SH3RF1: variants seen among roughly 807,000 people sequenced by gnomAD.
SH3RF1 encodes the protein E3 ubiquitin-protein ligase SH3RF1.
In SH3RF1, 32 loss-of-function variants were observed where a neutral mutation model predicts 74.0. That is an observed-to-expected ratio of 0.43 (90% CI 0.33 to 0.58). The LOEUF is 0.58. SH3RF1 is among the 20% of genes least tolerant of loss of function. The pLI is 0.05. For synonymous variants in SH3RF1, 396 were observed against 439.6 expected, an observed-to-expected ratio of 0.90 and a Z score of 1.24; for missense variants, 954 against 1,130.9, an observed-to-expected ratio of 0.84 and a Z score of 2.24.
At chr4:169,149,125 G>T (rs1314203833) in intron 4 of SH3RF1, among the ~76,000 whole-genome samples, 1 of 152,090 alleles carries the variant, frequency 6.6e-6, no homozygotes, top group Admixed American at 6.6e-5. Context: ...AACATTAACC[G>T]ATCTTTACAA....
intron 8 of SH3RF1, 112 bp downstream of exon 8, chr4:169,120,707 G>A (rs1274167917): frequency 2.7e-6 from 3 of 1,112,132 alleles, no homozygotes; most frequent in Admixed American, 5.6e-5. Flanking sequence ...TAAAACCTTG[G>A]CTATGTAACA....
At chr4:169,220,593 A>G (rs1030934364) in intron 2 of SH3RF1, among the ~76,000 whole-genome samples, 2 of 152,202 alleles carry the variant, frequency 1.3e-5, no homozygotes, top group African/African-American at 2.4e-5. Context: ...GATTTTAGCA[A>G]TTCCCAATCC....
chr4:169,183,406 G>A (rs889886118), intron 2 of SH3RF1, among the ~76,000 whole-genome samples: 30 of 152,032 alleles, frequency 2.0e-4, no homozygotes, highest in Non-Finnish European at 3.8e-4. Flanking sequence ...TCAGCCTCCC[G>A]AGTAGCTGGG....
At chr4:169,146,725 T>C (rs998864444) in intron 4 of SH3RF1, among the ~76,000 whole-genome samples, 1 of 152,102 alleles carries the variant, frequency 6.6e-6, no homozygotes, top group African/African-American at 2.4e-5. Context: ...TTGAGAAGTT[T>C]AGCAGAAGTA....
intron 2 of SH3RF1, among the ~76,000 whole-genome samples, chr4:169,204,612 G>A (rs527425425): frequency 1.4e-5 from 2 of 144,566 alleles, no homozygotes; most frequent in African/African-American, 2.6e-5. Flanking sequence ...GTGCAGTGGC[G>A]TGATCTTGGC....
At chr4:169,235,976 T>C (rs1011293982) in intron 2 of SH3RF1, among the ~76,000 whole-genome samples, 3 of 152,220 alleles carry the variant, frequency 2.0e-5, no homozygotes, top group Non-Finnish European at 4.4e-5. Flanking sequence ...CCACCGTGCC[T>C]GGCCTACTTA....
intron 2 of SH3RF1, among the ~76,000 whole-genome samples, chr4:169,225,399 C>T (rs1050971856): frequency 5.3e-5 from 8 of 152,014 alleles, no homozygotes; most frequent in South Asian, 4.1e-4. Context: ...CCTAAAGTCA[C>T]GAGACGGAAA....
intron 4 of SH3RF1, among the ~76,000 whole-genome samples, chr4:169,144,346 T>C (rs1243760130): frequency 6.6e-6 from 1 of 152,226 alleles, no homozygotes; most frequent in Non-Finnish European, 1.5e-5. Flanking sequence ...CAATACCTAT[T>C]CTCAACCCAA....
At chr4:169,187,233 G>A (rs111535427) in intron 2 of SH3RF1, among the ~76,000 whole-genome samples, 328 of 152,222 alleles carry the variant, frequency 2.2e-3, no homozygotes, top group Non-Finnish European at 3.7e-3. Context: ...GGGTCTCACC[G>A]TGTCACCCAG....
chr4:169,115,177 CTATGGATTTAGAAAA>C (rs558037705), intron 10 of SH3RF1, among the ~76,000 whole-genome samples: 12 of 152,228 alleles, frequency 7.9e-5, no homozygotes, highest in Admixed American at 2.0e-4. Flanking sequence ...ACCCCAAAAA[CTATGGATTTAGAAAA>C]TAATGTTTCC....
At chr4:169,229,647 A>T (rs1038806911) in intron 2 of SH3RF1, among the ~76,000 whole-genome samples, 2 of 152,188 alleles carry the variant, frequency 1.3e-5, no homozygotes, top group Non-Finnish European at 2.9e-5. Context: ...GGCTGAGGCA[A>T]GAAAGTGAGA....
chr4:169,099,181 C>T (rs571429674), intron 11 of SH3RF1, among the ~76,000 whole-genome samples: 1 of 152,356 alleles, frequency 6.6e-6, no homozygotes, highest in Admixed American at 6.5e-5. Flanking sequence ...TAGCCTTGAC[C>T]TCCCAGGCTT....
At chr4:169,262,765 G>A (rs1037818631) in intron 2 of SH3RF1, among the ~76,000 whole-genome samples, 4 of 152,108 alleles carry the variant, frequency 2.6e-5, no homozygotes, top group Non-Finnish European at 4.4e-5. Context: ...ATATAAAAAA[G>A]AATCATTACT....
rs10213285 is a variant in SH3RF1, at chr4:169,200,245, T to A, written c.394-43566A>T. Among the ~76,000 whole-genome samples the A allele has an allele frequency of 2.4e-3, 372 of 152,296 alleles. 1 individual carries two copies. Among genetic ancestry groups the A allele is most frequent in the African/African-American group, 8.2e-3 (342 of 41,564 alleles). On this transcript the variant is annotated intron_variant, in intron 2 of 11. Coordinates refer to ENST00000284637, the MANE Select transcript of SH3RF1 (RefSeq NM_020870.4). The stretch of plus-strand genomic sequence containing the variant: ...TAAAATATGTTTGATGCAGAGGACA[T>A]GTGTAGTAATGCCAAATAAAAGTAC...
chr4:169,183,180 A>G (rs573658940), intron 2 of SH3RF1, among the ~76,000 whole-genome samples: 8 of 152,252 alleles, frequency 5.3e-5, no homozygotes, highest in Non-Finnish European at 5.9e-5. Flanking sequence ...GGCACCTGTA[A>G]TCTCAACTAC....
Position 169,096,382 on chromosome 4 carries a change from G to T in SH3RF1, c.*137C>A. 1 of 862,540 alleles carries T rather than the reference G, an allele frequency of 1.2e-6. No homozygotes were observed. Among genetic ancestry groups the T allele is most frequent in the Non-Finnish European group, 1.8e-6 (1 of 557,078 alleles). 53.4% of individuals were successfully genotyped at this position (862,540 alleles called of 1,614,324 possible). A position where few individuals can be genotyped will look rare whatever the true frequency, so the allele number is the denominator to read the frequency against. ...TTCTGCTCGCTGGGGTAACTGTGCT[G>T]GGGCATCAGAGTCACATACCAATCC... On this transcript the variant is annotated 3_prime_UTR_variant, in exon 12 of 12. Transcript: ENST00000284637.
rs1301416440 is a variant in SH3RF1 at position 169,166,784 on chromosome 4, A to AC, written c.394-10106dup. 3 of 207,166 alleles carry AC rather than the reference A, an allele frequency of 1.4e-5. No individual in the cohort carries two copies. In the Admixed American group the frequency reaches 1.7e-4, roughly 12 times the overall value. The allele number at this position is 207,166 out of a possible 1,614,324, so 12.8% of individuals were successfully genotyped here. On this transcript the variant is annotated intron_variant, in intron 2 of 11. Coordinates refer to ENST00000284637, the MANE Select transcript of SH3RF1 (RefSeq NM_020870.4). ...CGAAGCAGCTGGCTACCGGCTCGTT[A>AC]CTTTGACTGGACCTCTGGTCCTCAA...
chr4:169,145,941 T>C lies in SH3RF1; in HGVS notation c.766-9321A>G, dbSNP rs970209675. 5.0e-5 allele frequency among the ~76,000 whole-genome samples: 7 copies of C among 139,450 alleles called. 1 individual carries two copies. The highest frequency in any genetic ancestry group is 9.2e-5 in the Non-Finnish European group (6 of 65,292). The allele number at this position is 139,450 out of a possible 152,430, so 91.5% of individuals were successfully genotyped here. On this transcript the variant is annotated intron_variant, in intron 4 of 11. Transcript: ENST00000284637. ...TCTATATAAAATATTACATATTCTA[T>C]ATATTATTCTATATAAAATATTACA...
At chr4:169,178,260 CAA>C (rs561333698) in intron 2 of SH3RF1, among the ~76,000 whole-genome samples, 1 of 61,812 alleles carries the variant, frequency 1.6e-5, no homozygotes, top group African/African-American at 5.9e-5. Flanking sequence ...AACAAATAAA[CAA>C]AAAAAAAAAA....
Sources: allele counts gnomAD v4.1 joint callset (sites outside exome capture counted in the v4.1 genomes callset), GRCh38; gene constraint gnomAD v4.1.1; transcripts MANE v1.5; gene names NCBI Gene and HGNC (gene_info 2026-07-23, HGNC 2026-07-21).